SENP7: variants seen among roughly 807,000 people sequenced by gnomAD.
The protein encoded by SENP7 is sentrin-specific protease 7.
SENP7 carries 64 observed loss-of-function variants against 141.2 expected under a neutral mutation model. The observed-to-expected ratio is 0.45, with a 90% CI of 0.37 to 0.56. The LOEUF is 0.56. SENP7 is among the 20% of genes least tolerant of loss of function. The pLI is 0.00. For missense variants in SENP7, 1,025 were observed against 1,212.2 expected, an observed-to-expected ratio of 0.85 and a Z score of 2.29; for synonymous variants, 382 against 426.4, an observed-to-expected ratio of 0.90 and a Z score of 1.28.
At chr3:101,415,269 G>C (rs2061580556) in intron 5 of SENP7, among the ~76,000 whole-genome samples, 2 of 152,202 alleles carry the variant, frequency 1.3e-5, no homozygotes, top group Non-Finnish European at 1.5e-5. Context: ...AGATGTGGAT[G>C]TACATTTCTT....
chr3:101,468,681 C>G (rs1365782761), intron 3 of SENP7, among the ~76,000 whole-genome samples: 1 of 152,146 alleles, frequency 6.6e-6, no homozygotes, highest in Non-Finnish European at 1.5e-5. Flanking sequence ...CACTACCAGG[C>G]CTGCCTTACA....
At position 101,327,788 on chromosome 3, in the gene SENP7, G is replaced by A. The variant is rs1304507336; in HGVS notation, c.2893C>T (p.Leu965=). ...TTGCTGAATTGACGATGAGTTTTTA[G>A]TTTAACTTCCCACTCTACCTCTAAA... ...EYLEVEWEVK[L]KTHRQFSKTN... is the part of the protein sequence containing the mutation. Residue 965 remains leucine, a synonymous_variant, in exon 23 of 24, where the codon CTA becomes TTA. Transcript: ENST00000394095. 1 of 1,609,498 alleles carries A rather than the reference G, an allele frequency of 6.2e-7. No individual in the cohort carries two copies. Among genetic ancestry groups the A allele is most frequent in the Non-Finnish European group, 8.5e-7 (1 of 1,177,266 alleles).
chr3:101,334,527 G>A (rs1211540838), intron 17 of SENP7, among the ~76,000 whole-genome samples: 2 of 152,014 alleles, frequency 1.3e-5, no homozygotes, highest in Non-Finnish European at 2.9e-5. Flanking sequence ...AAAACTCTAT[G>A]GGTAAACATC....
intron 4 of SENP7, among the ~76,000 whole-genome samples, chr3:101,445,819 G>C (rs1236137887): frequency 6.6e-6 from 1 of 152,136 alleles, no homozygotes; most frequent in Non-Finnish European, 1.5e-5. Flanking sequence ...ACTGATACAA[G>C]CATAAATTCA....
At chr3:101,395,311 G>T (rs1353583956) in intron 6 of SENP7, among the ~76,000 whole-genome samples, 1 of 152,080 alleles carries the variant, frequency 6.6e-6, no homozygotes, top group Non-Finnish European at 1.5e-5. Context: ...ATTTATCTTG[G>T]GTTGATTTTT....
At chr3:101,429,415 TG>T (rs2062078660) in intron 4 of SENP7, among the ~76,000 whole-genome samples, 1 of 152,184 alleles carries the variant, frequency 6.6e-6, no homozygotes, top group African/African-American at 2.4e-5. Flanking sequence ...TCACATCCCT[TG>T]TAAGTTGGAT....
chr3:101,472,348 G>C (rs965085501), intron 3 of SENP7, among the ~76,000 whole-genome samples: 1 of 152,124 alleles, frequency 6.6e-6, no homozygotes, highest in African/African-American at 2.4e-5. Flanking sequence ...CATGTTCTTT[G>C]CAGGGACATG....
chr3:101,357,529 T>A, intron 11 of SENP7: 1 of 1,420,830 alleles, frequency 7.0e-7, no homozygotes, highest in Admixed American at 2.3e-5. Context: ...TAAAAGATTC[T>A]TTCCAAAAAG....
Position 101,325,396 on chromosome 3 carries a change from G to C in SENP7, c.*547C>G, listed in dbSNP as rs2058874265. ...TTATCATCTTCCTAACATTATGAAT[G>C]TCTTTTTGTTACATACAGAAGGGAT... On this transcript the variant is annotated 3_prime_UTR_variant, in exon 24 of 24. Coordinates refer to ENST00000394095, the MANE Select transcript of SENP7 (RefSeq NM_020654.5). The C allele has an allele frequency of 6.6e-6, 1 of 152,410 alleles. No individual in the cohort carries two copies. The allele number at this position is 152,410 out of a possible 1,614,324, so 9.4% of individuals were successfully genotyped here.
chr3:101,492,136 G>A (rs1415002704), intron 3 of SENP7, among the ~76,000 whole-genome samples: 2 of 151,756 alleles, frequency 1.3e-5, no homozygotes, highest in Non-Finnish European at 2.9e-5. Flanking sequence ...GGGGGCTCAC[G>A]CCTGTAAACC....
chr3:101,494,833 A>G (rs1190601848), intron 2 of SENP7, among the ~76,000 whole-genome samples: 1 of 152,236 alleles, frequency 6.6e-6, no homozygotes, highest in Admixed American at 6.5e-5. Flanking sequence ...ACACAAAACT[A>G]TAAAAACCCT....
intron 6 of SENP7, among the ~76,000 whole-genome samples, chr3:101,389,490 G>A (rs548826648): frequency 6.7e-6 from 1 of 149,920 alleles, no homozygotes; most frequent in South Asian, 2.1e-4. Flanking sequence ...AAGAGAATGA[G>A]ATGATATATT....
chr3:101,409,070 G>A (rs563831822), intron 5 of SENP7, among the ~76,000 whole-genome samples: 1 of 152,106 alleles, frequency 6.6e-6, no homozygotes, highest in Admixed American at 6.5e-5. Flanking sequence ...ACTGATAAAA[G>A]AATTCGGTAA....
At chr3:101,425,842 A>C (rs998413597) in intron 4 of SENP7, among the ~76,000 whole-genome samples, 4 of 152,242 alleles carry the variant, frequency 2.6e-5, no homozygotes, top group African/African-American at 9.6e-5. Context: ...GCTGAAAAAT[A>C]TACAAGAATT....
At chr3:101,346,653 G>T (rs1191643571) in intron 13 of SENP7, among the ~76,000 whole-genome samples, 1 of 152,032 alleles carries the variant, frequency 6.6e-6, no homozygotes, top group Non-Finnish European at 1.5e-5. Flanking sequence ...AAGTAACTCA[G>T]GAATGGAAAA....
At chr3:101,497,104 T>C (rs1194029459) in intron 2 of SENP7, among the ~76,000 whole-genome samples, 2 of 152,164 alleles carry the variant, frequency 1.3e-5, no homozygotes. Context: ...TAAGTAAATA[T>C]ATTGTAGATA....
At chr3:101,488,450 C>T (rs985212827) in intron 3 of SENP7, among the ~76,000 whole-genome samples, 2 of 152,216 alleles carry the variant, frequency 1.3e-5, no homozygotes, top group African/African-American at 2.4e-5. Flanking sequence ...AAATCTATCA[C>T]TCACTGGCAT....
intron 6 of SENP7, among the ~76,000 whole-genome samples, chr3:101,384,545 C>T (rs2060597463): frequency 6.6e-6 from 1 of 152,236 alleles, no homozygotes; most frequent in African/African-American, 2.4e-5. Flanking sequence ...CAACTGCAGT[C>T]TTGTGGGAAG....
In SENP7 at chr3:101,493,876, C is replaced by A; in HGVS notation, c.183G>T (p.Leu61Phe). 6 of 1,574,044 alleles carry A rather than the reference C, an allele frequency of 3.8e-6. No homozygotes were observed. Among genetic ancestry groups the A allele is most frequent in the Non-Finnish European group, 4.4e-6 (5 of 1,148,766 alleles). The change falls in exon 3 of 24, where the codon TTG becomes TTT. Residue 61 changes from leucine to phenylalanine, a missense_variant. This residue lies in a region of SENP7 where 496 missense variants were observed against 503.5 expected (regional missense o/e 0.99). Transcript: ENST00000394095. ...FRSSERWTLP[L>F]QWERSLRNKV... ...ATAAATTAATTTTATTTACCACCTGCAAAGGGAGAGTCCAGCGTTCTGAGC... is the reference window on the plus strand; with the variant it reads ...ATAAATTAATTTTATTTACCACCTGAAAAGGGAGAGTCCAGCGTTCTGAGC...
Sources: gnomAD v4.1 joint callset for allele counts (sites outside exome capture counted in the v4.1 genomes callset) on GRCh38, gnomAD v4.1.1 for gene constraint, gnomAD v4.1.1 regional missense constraint, MANE v1.5 for transcripts, NCBI Gene and HGNC (gene_info 2026-07-23, HGNC 2026-07-21) for gene names.